The following ARFGEF3 variants were observed in gnomAD, a reference collection of about 807,000 sequenced individuals.
The protein encoded by ARFGEF3 is brefeldin A-inhibited guanine nucleotide-exchange protein 3.
A neutral mutation model predicts 221.7 loss-of-function variants in ARFGEF3; 96 were observed. The observed-to-expected ratio is 0.43, with a 90% confidence interval of 0.37 to 0.51. The LOEUF (loss-of-function observed/expected upper bound fraction) is 0.51, where lower values mean the gene tolerates loss of function less well. Ranked by LOEUF, ARFGEF3 falls within the 20% of genes least tolerant of loss-of-function variation. The probability of loss-of-function intolerance (pLI) is 0.00; values close to 1 mark genes in which losing one functional copy is unlikely to be tolerated. For missense variants in ARFGEF3, 2,410 were observed against 2,789.9 expected (o/e 0.86, Z 3.07); for synonymous variants, 1,145 against 1,126.8 (o/e 1.02, Z -0.32).
rs760909024 is a variant in ARFGEF3, at chr6:138,262,813, A to T, written c.1330A>T (p.Lys444Ter). The change falls in exon 12 of 34, where the codon AAG becomes TAG. Residue 444 changes from lysine to a stop codon, truncating the protein, a stop_gained. Transcript: ENST00000251691. LOFTEE classifies it high-confidence loss of function. Reference sequence around the variant, plus strand: ...TGCCCTGGATGAGCTCAGCCAGGGGAAGGGCTTGAGCGAAGGTCAGGTGCA... The same window carrying T: ...TGCCCTGGATGAGCTCAGCCAGGGGTAGGGCTTGAGCGAAGGTCAGGTGCA... The part of the protein sequence containing the change: ...LGALDELSQG[K>*]GLSEGQVQLL... The T allele has an allele frequency of 6.2e-7, 1 of 1,613,984 alleles. No individual in the cohort carries two copies. The highest frequency in any genetic ancestry group is 1.1e-5 in the South Asian group (1 of 91,078).
intron 5 of ARFGEF3, 103 bp from the exon 6 acceptor site, chr6:138,238,406 C>T: frequency 4.9e-6 from 6 of 1,216,792 alleles, no homozygotes; most frequent in Non-Finnish European, 6.8e-6. Context: ...GGCTGACTTT[C>T]TGTTTAAGAG....
chr6:138,305,286 T>C (rs539179917), intron 22 of ARFGEF3, among the ~76,000 whole-genome samples: 103 of 149,744 alleles, frequency 6.9e-4, no homozygotes, highest in African/African-American at 2.3e-3. Flanking sequence ...TTTATGAAAT[T>C]AGACAAAAAA....
In ARFGEF3 at chr6:138,336,427, C is replaced by T. The variant is rs776499591; in HGVS notation, c.6475C>T (p.Arg2159Cys). 3 of 1,613,398 alleles carry T rather than the reference C, an allele frequency of 1.9e-6. No homozygotes were observed. The highest frequency in any genetic ancestry group is 2.5e-6 in the Non-Finnish European group (3 of 1,179,666). The change falls in exon 34 of 34, where the codon CGC becomes TGC. Residue 2159 changes from arginine (R) to cysteine (C), a missense_variant. Arg to Cys is a radical substitution (Grantham distance 180, BLOSUM62 -3). Around this residue, in one of 5 missense-constraint regions of ARFGEF3, gnomAD observed 339 missense variants for 334.9 expected, o/e 1.01. Transcript: ENST00000251691. Reference sequence around the variant, plus strand: ...CTGTCACGTGACCGACATCAGAGTTCGCCAGGCTGTGAGGGAGTGGCTGGG... The same window carrying T: ...CTGTCACGTGACCGACATCAGAGTTTGCCAGGCTGTGAGGGAGTGGCTGGG... ...LTCHVTDIRV[R>C]QAVREWLGRV...
intron 4 of ARFGEF3, among the ~76,000 whole-genome samples, chr6:138,225,754 A>T (rs181280165): frequency 6.6e-6 from 1 of 152,222 alleles, no homozygotes; most frequent in African/African-American, 2.4e-5. Flanking sequence ...CAAAGGTTCT[A>T]TGCTTTTCAA....
In ARFGEF3 at chr6:138,335,062, C is replaced by G. The variant is rs1186093523; in HGVS notation, c.6216C>G (p.Asp2072Glu). ...PLLQRPQHLM[D>E]QGQMRHSFSA... ...TTCAGCGTCCCCAGCACTTGATGGA[C>G]CAAGGGCAAATGCGGCATTCCTTCA... The change falls in exon 33 of 34, where the codon GAC becomes GAG. Residue 2072 changes from aspartate (D) to glutamate (E), a missense_variant. Physicochemically the swap from Asp to Glu is conservative, Grantham distance 45. Around this residue, in one of 5 missense-constraint regions of ARFGEF3, gnomAD observed 339 missense variants for 334.9 expected, o/e 1.01. Coordinates refer to ENST00000251691, the MANE Select transcript of ARFGEF3 (RefSeq NM_020340.5). The G allele has an allele frequency of 6.3e-7, 1 of 1,599,568 alleles. No homozygotes were observed. The highest frequency in any genetic ancestry group is 2.3e-5 in the East Asian group (1 of 44,214).
At chr6:138,236,263 A>G (rs1778285863) in intron 5 of ARFGEF3, among the ~76,000 whole-genome samples, 1 of 152,190 alleles carries the variant, frequency 6.6e-6, no homozygotes, top group Admixed American at 6.5e-5. Flanking sequence ...ACTCCCCCAT[A>G]AATTTAAAAT....
chr6:138,325,183 T>A (rs1780106296), intron 31 of ARFGEF3, among the ~76,000 whole-genome samples: 1 of 152,210 alleles, frequency 6.6e-6, no homozygotes. Context: ...TTTGAAGAAA[T>A]GAGTTGGAGG....
intron 2 of ARFGEF3, among the ~76,000 whole-genome samples, chr6:138,196,926 C>T (rs545136680): frequency 6.6e-6 from 1 of 151,236 alleles, no homozygotes; most frequent in Non-Finnish European, 1.5e-5. Flanking sequence ...CTCCGCCTCC[C>T]GGGTTCAAAC....
rs192363173 is a variant in ARFGEF3, at chr6:138,242,210, G to T, written c.544-742G>T. On this transcript the variant is annotated intron_variant, in intron 6 of 33. Transcript: ENST00000251691. The stretch of plus-strand genomic sequence containing the variant: ...ATTAGTTGGCATGAAAATACTTCCG[G>T]ATTATCTCTTGGTGCAAAGAGGTAA... 3.2e-4 allele frequency among the ~76,000 whole-genome samples: 48 copies of T among 152,332 alleles called. 1 individual carries two copies. Among genetic ancestry groups the T allele is most frequent in the Admixed American group, 2.8e-3 (43 of 15,296 alleles).
At chr6:138,222,541 G>T in intron 4 of ARFGEF3, among the ~76,000 whole-genome samples, 1 of 152,124 alleles carries the variant, frequency 6.6e-6, no homozygotes, top group East Asian at 1.9e-4. Flanking sequence ...TGGGGGAATG[G>T]GGGTATTGCC....
rs1780425758 is a variant in ARFGEF3, at chr6:138,341,233, G to C, written c.*4747G>C. ...TACTTGCTTCTCTGGGAAATACATGGTACTAAATTAGTAGCACAAAGTTTG... is the reference window on the plus strand; with the variant it reads ...TACTTGCTTCTCTGGGAAATACATGCTACTAAATTAGTAGCACAAAGTTTG... On this transcript the variant is annotated 3_prime_UTR_variant, in exon 34 of 34. Transcript: ENST00000251691. 2 of 154,488 alleles carry C rather than the reference G, an allele frequency of 1.3e-5. No individual in the cohort carries two copies. The highest frequency in any genetic ancestry group is 1.3e-4 in the Admixed American group (2 of 15,286). 9.6% of individuals were successfully genotyped at this position (154,488 alleles called of 1,614,324 possible). A position where few individuals can be genotyped will look rare whatever the true frequency, so the allele number is the denominator to read the frequency against.
chr6:138,343,879 T>C lies in ARFGEF3; in HGVS notation c.*7393T>C, dbSNP rs1018596340. On this transcript the variant is annotated 3_prime_UTR_variant, in exon 34 of 34. Coordinates refer to ENST00000251691, the MANE Select transcript of ARFGEF3 (RefSeq NM_020340.5). ...TTTGATAAGTTGGGTTTCACTTCAG[T>C]TGAAACAATGTGATAGAATATCCAG... 1 of 152,192 alleles carries C rather than the reference T, an allele frequency of 6.6e-6. No individual in the cohort carries two copies. Among genetic ancestry groups the C allele is most frequent in the Non-Finnish European group, 1.5e-5 (1 of 68,036 alleles). 9.4% of individuals were successfully genotyped at this position (152,192 alleles called of 1,614,324 possible).
chr6:138,293,063 G>C (rs777047761), intron 19 of ARFGEF3, among the ~76,000 whole-genome samples: 1 of 152,150 alleles, frequency 6.6e-6, no homozygotes, highest in Non-Finnish European at 1.5e-5. Context: ...TGTTTAATCC[G>C]CTAATTCCCA....
intron 9 of ARFGEF3, 78 bp downstream of exon 9, chr6:138,254,062 C>A: frequency 1.2e-6 from 1 of 866,824 alleles, no homozygotes; most frequent in Non-Finnish European, 1.7e-6. Context: ...GGTCCCTCTC[C>A]ATGAAGTCCA....
At chr6:138,206,395 C>T (rs1777625893) in intron 2 of ARFGEF3, among the ~76,000 whole-genome samples, 2 of 147,662 alleles carry the variant, frequency 1.4e-5, no homozygotes, top group East Asian at 2.0e-4. Context: ...TGCATCTAGG[C>T]ACCTCTTATC....
intron 2 of ARFGEF3, among the ~76,000 whole-genome samples, chr6:138,193,817 G>A (rs1381009630): frequency 6.6e-6 from 1 of 152,172 alleles, no homozygotes; most frequent in African/African-American, 2.4e-5. Flanking sequence ...GAGTCTTGAA[G>A]AGAATATGAA....
intron 32 of ARFGEF3, 73 bp downstream of exon 32, chr6:138,328,215 T>G: frequency 1.4e-6 from 2 of 1,460,506 alleles, no homozygotes; most frequent in Non-Finnish European, 1.8e-6. Context: ...TCTCACACAT[T>G]GTAATCTGAG....
At chr6:138,246,881 G>A (rs924411169) in intron 8 of ARFGEF3, among the ~76,000 whole-genome samples, 1 of 152,126 alleles carries the variant, frequency 6.6e-6, no homozygotes, top group Non-Finnish European at 1.5e-5. Context: ...GTAGTGGGAG[G>A]AAATGAGTAA....
intron 10 of ARFGEF3, among the ~76,000 whole-genome samples, chr6:138,256,621 A>G (rs1778686902): frequency 6.6e-6 from 1 of 152,086 alleles, no homozygotes; most frequent in African/African-American, 2.4e-5. Context: ...CTGACCCACT[A>G]TTTCTAGAAA....
Sources: gnomAD v4.1 joint callset for allele counts (sites outside exome capture counted in the v4.1 genomes callset) on GRCh38, gnomAD v4.1.1 for gene constraint, gnomAD v4.1.1 regional missense constraint, MANE v1.5 for transcripts, NCBI Gene and HGNC (gene_info 2026-07-23, HGNC 2026-07-21) for gene names.